TNIK: variants seen among roughly 807,000 people sequenced by gnomAD.
TNIK encodes TRAF2 and NCK interacting kinase.
A neutral mutation model predicts 191.3 loss-of-function variants in TNIK; 49 were observed. That is an observed-to-expected ratio of 0.26 (90% CI 0.20 to 0.32). The LOEUF (loss-of-function observed/expected upper bound fraction) is 0.32, where lower values mean the gene tolerates loss of function less well. Ranked by LOEUF, TNIK falls within the 10% of genes least tolerant of loss-of-function variation. The pLI, the probability that TNIK is intolerant of heterozygous loss-of-function variation, is 1.00. For missense variants in TNIK, 1,155 were observed against 1,702.3 expected (o/e 0.68, Z 5.66); for synonymous variants, 594 against 600.9 (o/e 0.99, Z 0.17).
chr3:171,181,802 C>A (rs1257995444), intron 7 of TNIK, among the ~76,000 whole-genome samples: 2 of 152,164 alleles, frequency 1.3e-5, no homozygotes, highest in Non-Finnish European at 2.9e-5. Flanking sequence ...CCCTGAACTG[C>A]CTACCTCTAG....
chr3:171,311,801 C>A (rs1254356780), intron 2 of TNIK, among the ~76,000 whole-genome samples: 1 of 152,106 alleles, frequency 6.6e-6, no homozygotes, highest in Non-Finnish European at 1.5e-5. Flanking sequence ...ATTTAGAGAA[C>A]AAAACCCATC....
At chr3:171,231,551 C>A (rs775567130) in intron 2 of TNIK, among the ~76,000 whole-genome samples, 1 of 151,984 alleles carries the variant, frequency 6.6e-6, no homozygotes, top group Non-Finnish European at 1.5e-5. Flanking sequence ...TATCCCCACG[C>A]GCTAGAGCAG....
intron 1 of TNIK, among the ~76,000 whole-genome samples, chr3:171,422,561 T>A (rs1723964290): frequency 1.3e-5 from 2 of 152,346 alleles, no homozygotes; most frequent in African/African-American, 2.4e-5. Context: ...ATGTATTTTT[T>A]AAATATTATC....
chr3:171,259,114 A>G (rs4502609), intron 2 of TNIK, among the ~76,000 whole-genome samples: 84,468 of 151,958 alleles, frequency 0.56, 24,168 homozygotes, highest in African/African-American at 0.67. Flanking sequence ...GAGAGAGAGC[A>G]TGCACACGAG....
rs1473341209 is a variant in TNIK, at chr3:171,438,012, T to C, written c.57+21995A>G. 4.6e-5 allele frequency among the ~76,000 whole-genome samples: 7 copies of C among 152,182 alleles called. No individual in the cohort carries two copies. In the East Asian group the frequency reaches 1.3e-3, roughly 29 times the overall value. On this transcript the variant is annotated intron_variant, in intron 1 of 32. Coordinates refer to ENST00000436636, the MANE Select transcript of TNIK (RefSeq NM_015028.4). ...GGGGAAGCTGCCCCACAGACAGTGCTTTTTAGAGTGCATAGAGCAGACATG... is the reference window on the plus strand; with the variant it reads ...GGGGAAGCTGCCCCACAGACAGTGCCTTTTAGAGTGCATAGAGCAGACATG...
chr3:171,158,467 G>T (rs1368113112), intron 11 of TNIK, among the ~76,000 whole-genome samples: 3 of 152,234 alleles, frequency 2.0e-5, no homozygotes, highest in Admixed American at 2.0e-4. Context: ...CCTGCTCGCA[G>T]GTGAACAACT....
intron 10 of TNIK, among the ~76,000 whole-genome samples, chr3:171,163,359 CTG>C (rs745390224): frequency 2.0e-5 from 3 of 152,142 alleles, no homozygotes; most frequent in Non-Finnish European, 2.9e-5. Flanking sequence ...TAAAAAGAAA[CTG>C]AAACTGCAAT....
chr3:171,451,250 C>T (rs763701598), intron 1 of TNIK, among the ~76,000 whole-genome samples: 27 of 152,192 alleles, frequency 1.8e-4, no homozygotes, highest in Non-Finnish European at 3.2e-4. Flanking sequence ...AAAGTGGGCA[C>T]GATGTTATGA....
chr3:171,294,618 G>A (rs1471779228), intron 2 of TNIK, among the ~76,000 whole-genome samples: 1 of 152,056 alleles, frequency 6.6e-6, no homozygotes, highest in Non-Finnish European at 1.5e-5. Context: ...CTACTCAGGA[G>A]GCTGAGGCAG....
At chr3:171,450,080 C>T (rs1431275057) in intron 1 of TNIK, among the ~76,000 whole-genome samples, 3 of 152,092 alleles carry the variant, frequency 2.0e-5, no homozygotes, top group African/African-American at 4.8e-5. Context: ...ACTCAGCAGG[C>T]TTAGTCTGCT....
chr3:171,320,832 T>C (rs978105609), intron 2 of TNIK, among the ~76,000 whole-genome samples: 1 of 152,192 alleles, frequency 6.6e-6, no homozygotes, highest in Non-Finnish European at 1.5e-5. Context: ...AAAGAGGCTG[T>C]GTCTGAGAGA....
chr3:171,409,761 G>A lies in TNIK; in HGVS notation c.58-40076C>T, dbSNP rs141746679. ...CCTGTGCATCTAATCATTTTCAATTGTCATTTCATCTAGGATGCCAAATGT... is the reference window on the plus strand; with the variant it reads ...CCTGTGCATCTAATCATTTTCAATTATCATTTCATCTAGGATGCCAAATGT... On this transcript the variant is annotated intron_variant, in intron 1 of 32. Coordinates refer to ENST00000436636, the MANE Select transcript of TNIK (RefSeq NM_015028.4). Among the ~76,000 whole-genome samples, 647 of 147,602 alleles carry A rather than the reference G, an allele frequency of 4.4e-3. 4 individuals are homozygous for A. Among genetic ancestry groups the A allele is most frequent in the African/African-American group, 0.016 (618 of 39,602 alleles).
chr3:171,115,923 C>G (rs1726614946), intron 18 of TNIK, among the ~76,000 whole-genome samples: 1 of 152,174 alleles, frequency 6.6e-6, no homozygotes, highest in African/African-American at 2.4e-5. Context: ...TGACTGGGCT[C>G]AGAGTCTCAT....
At chr3:171,198,203 C>T (rs1320727101) in intron 4 of TNIK, among the ~76,000 whole-genome samples, 1 of 150,928 alleles carries the variant, frequency 6.6e-6, no homozygotes, top group Non-Finnish European at 1.5e-5. Context: ...GCGGAGCTTG[C>T]AGTGAGCCGA....
intron 1 of TNIK, among the ~76,000 whole-genome samples, chr3:171,441,550 C>T (rs1726801354): frequency 6.6e-6 from 1 of 152,176 alleles, no homozygotes; most frequent in Non-Finnish European, 1.5e-5. Context: ...TTTACCTATC[C>T]ATCAGTTGAT....
At chr3:171,436,335 G>T (rs1304071198) in intron 1 of TNIK, among the ~76,000 whole-genome samples, 1 of 152,286 alleles carries the variant, frequency 6.6e-6, no homozygotes, top group East Asian at 1.9e-4. Flanking sequence ...CTCTCAAATT[G>T]TTTGCAAGAG....
At chr3:171,265,627 G>A (rs1748289183) in intron 2 of TNIK, among the ~76,000 whole-genome samples, 2 of 152,196 alleles carry the variant, frequency 1.3e-5, no homozygotes, top group South Asian at 4.1e-4. Context: ...AAATACATAT[G>A]CAAGAATGGT....
At chr3:171,240,080 G>A (rs1744765932) in intron 2 of TNIK, among the ~76,000 whole-genome samples, 1 of 152,162 alleles carries the variant, frequency 6.6e-6, no homozygotes, top group African/African-American at 2.4e-5. Context: ...CGATCCAACT[G>A]TGACCTATCA....
intron 1 of TNIK, among the ~76,000 whole-genome samples, chr3:171,410,588 G>T (rs758410279): frequency 9.9e-5 from 15 of 151,976 alleles, no homozygotes; most frequent in African/African-American, 3.6e-4. Context: ...GACCATCCTG[G>T]CTAACACGGT....
Sources: gnomAD v4.1 joint callset for allele counts (sites outside exome capture counted in the v4.1 genomes callset) on GRCh38, gnomAD v4.1.1 for gene constraint, MANE v1.5 for transcripts, NCBI Gene and HGNC (gene_info 2026-07-23, HGNC 2026-07-21) for gene names.